LIN7A: variants seen among roughly 807,000 people sequenced by gnomAD.
LIN7A encodes lin-7 cell polarity scaffold A.
Under a neutral mutation model 29.8 loss-of-function variants are expected in LIN7A, and 25 were observed. That is an observed-to-expected ratio of 0.84 (90% confidence interval 0.61 to 1.17). The LOEUF is 1.17. Ranked by LOEUF, LIN7A falls within the 50% of genes most tolerant of loss-of-function variation. LIN7A has a pLI of 0.00. For synonymous variants in LIN7A, 118 were observed against 107.5 expected (o/e 1.10, Z -0.60); for missense variants, 239 against 287.0 (o/e 0.83, Z 1.21).
intron 4 of LIN7A, among the ~76,000 whole-genome samples, chr12:80,825,189 C>A (rs899265925): frequency 2.0e-5 from 3 of 151,998 alleles, no homozygotes; most frequent in Non-Finnish European, 4.4e-5. Context: ...TGCGTCATTG[C>A]CAGCATGAAG....
rs1295621176 is a variant in LIN7A at position 80,794,051 on chromosome 12, C to G, written c.*3676G>C. On this transcript the variant is annotated 3_prime_UTR_variant, in exon 6 of 6. Coordinates refer to ENST00000552864, the MANE Select transcript of LIN7A (RefSeq NM_004664.4). ...TTAATGAAATTTCAAATTCATACATCTAAAAAGTTTTTATATAGACTCAAA... is the reference window on the plus strand; with the variant it reads ...TTAATGAAATTTCAAATTCATACATGTAAAAAGTTTTTATATAGACTCAAA... The G allele has an allele frequency of 6.6e-6, 1 of 151,090 alleles. No homozygotes were observed. Among genetic ancestry groups the G allele is most frequent in the African/African-American group, 2.5e-5 (1 of 40,412 alleles). 9.4% of individuals were successfully genotyped at this position (151,090 alleles called of 1,614,324 possible). A position where few individuals can be genotyped will look rare whatever the true frequency, so the allele number is the denominator to read the frequency against.
chr12:80,832,700 G>T, intron 4 of LIN7A: 1 of 432,006 alleles, frequency 2.3e-6, no homozygotes. Flanking sequence ...CAAACATGTT[G>T]ATGCTATGAT....
At chr12:80,865,548 T>C (rs919135120) in intron 2 of LIN7A, among the ~76,000 whole-genome samples, 2 of 152,306 alleles carry the variant, frequency 1.3e-5, no homozygotes, top group African/African-American at 4.8e-5. Flanking sequence ...GCAGCTGTCA[T>C]ATTAGACAAC....
chr12:80,826,709 G>A (rs1027520771), intron 4 of LIN7A, among the ~76,000 whole-genome samples: 2 of 152,068 alleles, frequency 1.3e-5, no homozygotes, highest in Admixed American at 1.3e-4. Flanking sequence ...TTTTAGTAGA[G>A]ATGGGATTTC....
chr12:80,904,780 G>C (rs367658711), intron 1 of LIN7A, among the ~76,000 whole-genome samples: 1 of 152,102 alleles, frequency 6.6e-6, no homozygotes, highest in African/African-American at 2.4e-5. Context: ...CTTGGGGGTG[G>C]AACCCAATTT....
At chr12:80,842,248 G>T in intron 4 of LIN7A, 1 of 557,932 alleles carries the variant, frequency 1.8e-6, no homozygotes, top group Non-Finnish European at 2.6e-6. Flanking sequence ...TTCTGTGTGT[G>T]TATATATATA....
intron 2 of LIN7A, among the ~76,000 whole-genome samples, chr12:80,860,582 G>A (rs1018479484): frequency 2.6e-5 from 4 of 152,166 alleles, no homozygotes; most frequent in South Asian, 2.1e-4. Flanking sequence ...ATTCAGGGTG[G>A]TGAATGGACC....
intron 2 of LIN7A, among the ~76,000 whole-genome samples, chr12:80,855,131 A>G (rs1873534152): frequency 6.6e-6 from 1 of 152,154 alleles, no homozygotes; most frequent in Admixed American, 6.5e-5. Context: ...CTGGAAAAAA[A>G]AAAGTAAATG....
At chr12:80,824,529 C>T (rs1336044428) in intron 4 of LIN7A, among the ~76,000 whole-genome samples, 1 of 152,172 alleles carries the variant, frequency 6.6e-6, no homozygotes, top group East Asian at 1.9e-4. Context: ...CCAGTATCAC[C>T]TTAATACCAA....
intron 1 of LIN7A, among the ~76,000 whole-genome samples, chr12:80,925,396 G>A (rs941416127): frequency 6.6e-6 from 1 of 152,158 alleles, no homozygotes; most frequent in South Asian, 2.1e-4. Context: ...CTGAGCCCTT[G>A]CCTCTTCATA....
intron 5 of LIN7A, among the ~76,000 whole-genome samples, chr12:80,798,337 C>T (rs564832652): frequency 1.1e-4 from 17 of 152,242 alleles, no homozygotes; most frequent in South Asian, 1.0e-3. Context: ...TTTACATCTT[C>T]GTTCTCAAAG....
In LIN7A at chr12:80,902,233, T is replaced by TTG. The variant is rs1876255861; in HGVS notation, c.83-12865_83-12864insCA. ...GGTCTATGTGTTTTTTTTTTTTTTT[T>TTG]GTACCAGTACCAAAATGTTTTGTTT... is the stretch of plus-strand genomic sequence containing the variant. On this transcript the variant is annotated intron_variant, in intron 1 of 5. Coordinates refer to ENST00000552864, the MANE Select transcript of LIN7A (RefSeq NM_004664.4). Among the ~76,000 whole-genome samples, 4 of 138,570 alleles carry TTG rather than the reference T, an allele frequency of 2.9e-5. No individual in the cohort carries two copies. In the South Asian group the frequency reaches 7.0e-4, roughly 24 times the overall value. The allele number at this position is 138,570 out of a possible 152,430, so 90.9% of individuals were successfully genotyped here.
chr12:80,896,810 C>T (rs1259679564), intron 1 of LIN7A, among the ~76,000 whole-genome samples: 1 of 152,148 alleles, frequency 6.6e-6, no homozygotes, highest in Non-Finnish European at 1.5e-5. Flanking sequence ...ATGACAAAAT[C>T]CTGGCATTGA....
intron 4 of LIN7A, among the ~76,000 whole-genome samples, chr12:80,816,482 G>T (rs1185054013): frequency 7.3e-6 from 1 of 137,500 alleles, no homozygotes; most frequent in Non-Finnish European, 1.7e-5. Flanking sequence ...ATATACAATA[G>T]TTATATATAT....
chr12:80,924,774 T>C (rs1877493711), intron 1 of LIN7A, among the ~76,000 whole-genome samples: 1 of 152,234 alleles, frequency 6.6e-6, no homozygotes, highest in South Asian at 2.1e-4. Context: ...ACATTTGATA[T>C]CTGTATATGA....
chr12:80,927,634 A>G (rs1273061511), intron 1 of LIN7A, among the ~76,000 whole-genome samples: 3 of 152,168 alleles, frequency 2.0e-5, no homozygotes, highest in Non-Finnish European at 4.4e-5. Context: ...CTCTTATATG[A>G]CAAATAAACT....
chr12:80,935,602 A>G (rs1205758253), intron 1 of LIN7A: 2 of 197,350 alleles, frequency 1.0e-5, no homozygotes, highest in African/African-American at 4.6e-5. Flanking sequence ...CAGTTTAATA[A>G]TGAAAGTAAT....
intron 5 of LIN7A, among the ~76,000 whole-genome samples, chr12:80,800,382 G>C (rs1870659217): frequency 6.6e-6 from 1 of 151,416 alleles, no homozygotes; most frequent in Non-Finnish European, 1.5e-5. Context: ...CCAACTACTC[G>C]GAAGGCTGAG....
chr12:80,826,987 T>C (rs1431683828), intron 4 of LIN7A, among the ~76,000 whole-genome samples: 2 of 152,240 alleles, frequency 1.3e-5, no homozygotes, highest in Non-Finnish European at 2.9e-5. Context: ...GTTTAGCTAA[T>C]CTGAAGAGGG....
Sources: gnomAD v4.1 joint callset for allele counts (sites outside exome capture counted in the v4.1 genomes callset) on GRCh38, gnomAD v4.1.1 for gene constraint, MANE v1.5 for transcripts, NCBI Gene and HGNC (gene_info 2026-07-23, HGNC 2026-07-21) for gene names.